Variants in ASXL2 observed in about 807,000 individuals in gnomAD.
ASXL2 encodes ASXL transcriptional regulator 2, also known as putative Polycomb group protein ASXL2.
A neutral mutation model predicts 122.0 loss-of-function variants in ASXL2; 23 were observed. The ratio of observed to expected loss-of-function variants is 0.19; its 90% CI spans 0.14 to 0.27. ASXL2 has a LOEUF of 0.27. ASXL2 is among the 10% of genes least tolerant of loss of function. The pLI is 1.00. For synonymous variants in ASXL2, 650 were observed against 637.0 expected (o/e 1.02, Z -0.31); for missense variants, 1,518 against 1,713.8 (o/e 0.89, Z 2.02).
intron 5 of ASXL2, among the ~76,000 whole-genome samples, chr2:25,783,609 ATT>A (rs2088683145): frequency 1.3e-5 from 2 of 150,586 alleles, no homozygotes; most frequent in African/African-American, 4.9e-5. Flanking sequence ...GTTTGTCCTT[ATT>A]GACAGGAGGT....
intron 1 of ASXL2, among the ~76,000 whole-genome samples, chr2:25,864,366 A>G (rs1189430607): frequency 6.6e-6 from 1 of 152,152 alleles, no homozygotes; most frequent in Admixed American, 6.5e-5. Flanking sequence ...TGGATTGGAG[A>G]GAGCTTTAAT....
intron 4 of ASXL2, among the ~76,000 whole-genome samples, chr2:25,801,892 C>T (rs1388311595): frequency 2.6e-5 from 4 of 152,190 alleles, no homozygotes; most frequent in Admixed American, 2.6e-4. Flanking sequence ...TTTGATTATG[C>T]TTTTCTCCTG....
intron 5 of ASXL2, among the ~76,000 whole-genome samples, chr2:25,779,248 C>T (rs1024550156): frequency 6.6e-6 from 1 of 151,884 alleles, no homozygotes; most frequent in African/African-American, 2.4e-5. Context: ...AGGCGCCCAC[C>T]ACCATGCCTA....
chr2:25,771,213 G>A (rs919872810), intron 6 of ASXL2, among the ~76,000 whole-genome samples: 1 of 152,156 alleles, frequency 6.6e-6, no homozygotes, highest in Non-Finnish European at 1.5e-5. Context: ...CTCCAGCCTG[G>A]CAACTGAGAC....
At chr2:25,857,465 G>A (rs921749836) in intron 1 of ASXL2, among the ~76,000 whole-genome samples, 7 of 152,108 alleles carry the variant, frequency 4.6e-5, no homozygotes, top group African/African-American at 1.7e-4. Context: ...TAATAACAAA[G>A]TAGCTTTGCA....
chr2:25,819,101 T>C (rs557324560), intron 3 of ASXL2, among the ~76,000 whole-genome samples: 3 of 152,194 alleles, frequency 2.0e-5, no homozygotes, highest in East Asian at 1.9e-4. Context: ...CCCACAAGGA[T>C]TGAATCTTTC....
At chr2:25,848,117 T>G (rs1158107083) in intron 1 of ASXL2, among the ~76,000 whole-genome samples, 1 of 152,186 alleles carries the variant, frequency 6.6e-6, no homozygotes, top group Non-Finnish European at 1.5e-5. Flanking sequence ...TAATAAATAT[T>G]TCTAGAGTGT....
intron 5 of ASXL2, among the ~76,000 whole-genome samples, chr2:25,793,373 A>G (rs1387343972): frequency 2.0e-5 from 3 of 152,252 alleles, no homozygotes; most frequent in Admixed American, 1.3e-4. Flanking sequence ...AGGTACATAC[A>G]TACATTATTA....
chr2:25,754,914 T>C (rs1053545730), intron 10 of ASXL2, among the ~76,000 whole-genome samples: 15 of 151,980 alleles, frequency 9.9e-5, no homozygotes, highest in African/African-American at 3.6e-4. Flanking sequence ...CCCTTCTACA[T>C]AGAATTTCTT....
At chr2:25,831,738 A>T (rs1020428439) in intron 3 of ASXL2, among the ~76,000 whole-genome samples, 1 of 152,202 alleles carries the variant, frequency 6.6e-6, no homozygotes, top group Non-Finnish European at 1.5e-5. Flanking sequence ...AAACCTACAG[A>T]TTCAAGAAAC....
At chr2:25,860,495 A>G (rs1253646907) in intron 1 of ASXL2, among the ~76,000 whole-genome samples, 1 of 151,886 alleles carries the variant, frequency 6.6e-6, no homozygotes, top group African/African-American at 2.4e-5. Flanking sequence ...GCAGGTGGAT[A>G]TGAGGTCAGG....
chr2:25,743,545 G>A lies in ASXL2; in HGVS notation c.2792C>T (p.Thr931Ile). The A allele has an allele frequency of 6.2e-7, 1 of 1,614,022 alleles. No individual in the cohort carries two copies. Among genetic ancestry groups the A allele is most frequent in the Non-Finnish European group, 8.5e-7 (1 of 1,179,886 alleles). The part of the protein sequence containing the change: ...PAASSLKTPG[T>I]SLNMNGPTLR... The stretch of plus-strand genomic sequence containing the variant: ...AGTGGGTCCATTCATGTTTAAAGAA[G>A]TTCCTGGGGTTTTAAGGCTAGAAGC... The change falls in exon 13 of 13, where the codon ACT (threonine) becomes ATT (isoleucine). Residue 931 changes from threonine to isoleucine, a missense_variant. Physicochemically the swap from Thr to Ile is moderately conservative, Grantham distance 89. This residue lies in a region of ASXL2 where 831 missense variants were observed against 833.1 expected (regional missense o/e 1.00). Transcript: ENST00000435504.
At chr2:25,785,515 G>C (rs2088725200) in intron 5 of ASXL2, among the ~76,000 whole-genome samples, 1 of 151,606 alleles carries the variant, frequency 6.6e-6, no homozygotes. Context: ...GTGAGTCACT[G>C]TGCCCACCCC....
At chr2:25,811,099 C>CACACAA (rs1327866217) in intron 3 of ASXL2, among the ~76,000 whole-genome samples, 5 of 144,412 alleles carry the variant, frequency 3.5e-5, no homozygotes, top group African/African-American at 5.2e-5. Flanking sequence ...CACACACACA[C>CACACAA]AAAATCAGCC....
chr2:25,743,551 G>A lies in ASXL2; in HGVS notation c.2786C>T (p.Pro929Leu). 6.2e-7 allele frequency: 1 copy of A among 1,613,982 alleles called. No individual in the cohort carries two copies. Among genetic ancestry groups the A allele is most frequent in the Non-Finnish European group, 8.5e-7 (1 of 1,179,874 alleles). The change falls in exon 13 of 13, where the codon CCA becomes CTA. Residue 929 changes from proline to leucine, a missense_variant. This residue lies in a region of ASXL2 where 831 missense variants were observed against 833.1 expected (regional missense o/e 1.00). Transcript: ENST00000435504. ...TCCATTCATGTTTAAAGAAGTTCCT[G>A]GGGTTTTAAGGCTAGAAGCTGCTGG... ...TLPAASSLKT[P>L]GTSLNMNGPT... is the part of the protein sequence containing the mutation.
intron 5 of ASXL2, among the ~76,000 whole-genome samples, chr2:25,772,617 G>A (rs1357236157): frequency 6.7e-6 from 1 of 149,986 alleles, no homozygotes; most frequent in Non-Finnish European, 1.5e-5. Flanking sequence ...TGTAATCCCA[G>A]CTACTCAGGA....
chr2:25,843,540 A>G (rs2089612347), intron 2 of ASXL2, among the ~76,000 whole-genome samples: 1 of 152,188 alleles, frequency 6.6e-6, no homozygotes, highest in Non-Finnish European at 1.5e-5. Context: ...ACTTTTTCAT[A>G]CCAATGAAGC....
chr2:25,872,644 GAGAAATAACT>G (rs1559534244), intron 1 of ASXL2, among the ~76,000 whole-genome samples: 1 of 152,072 alleles, frequency 6.6e-6, no homozygotes, highest in Non-Finnish European at 1.5e-5. Context: ...ATTGATAAGG[GAGAAATAACT>G]ATAGAGAGGA....
chr2:25,848,774 C>T (rs897890252), intron 1 of ASXL2, among the ~76,000 whole-genome samples: 4 of 151,308 alleles, frequency 2.6e-5, no homozygotes, highest in Admixed American at 6.6e-5. Context: ...GGCCGGGCAC[C>T]GTGACTCAGG....
Sources: allele counts gnomAD v4.1 joint callset (sites outside exome capture counted in the v4.1 genomes callset), GRCh38; gene constraint gnomAD v4.1.1; regional missense constraint gnomAD v4.1.1; transcripts MANE v1.5; gene names NCBI Gene and HGNC (gene_info 2026-07-23, HGNC 2026-07-21).